PDE10A: variants seen among roughly 807,000 people sequenced by gnomAD.
PDE10A encodes cAMP and cAMP-inhibited cGMP 3',5'-cyclic phosphodiesterase 10A.
PDE10A carries 39 observed loss-of-function variants against 97.7 expected under a neutral mutation model. That is an observed-to-expected ratio of 0.40 (90% confidence interval 0.31 to 0.52). The LOEUF is 0.52. Among genes scored for constraint, PDE10A ranks in the 20% least tolerant of loss-of-function variants. PDE10A has a pLI of 0.56. For missense variants in PDE10A, 731 were observed against 1,047.8 expected (o/e 0.70, Z 4.17); for synonymous variants, 371 against 376.8 (o/e 0.98, Z 0.18).
At chr6:165,458,250 T>C (rs1206580588) in intron 3 of PDE10A, among the ~76,000 whole-genome samples, 2 of 152,192 alleles carry the variant, frequency 1.3e-5, no homozygotes, top group Non-Finnish European at 1.5e-5. Flanking sequence ...CCCAGAGCTA[T>C]AGACTGTATC....
intron 1 of PDE10A, among the ~76,000 whole-genome samples, chr6:165,612,869 G>A (rs1787562830): frequency 6.6e-6 from 1 of 152,092 alleles, no homozygotes; most frequent in African/African-American, 2.4e-5. Context: ...AAATCTTACT[G>A]TTTTAACTAA....
chr6:165,983,222 C>T (rs1354548856), intron 1 of PDE10A, among the ~76,000 whole-genome samples: 1 of 152,174 alleles, frequency 6.6e-6, no homozygotes. Flanking sequence ...GGGAGGAAAC[C>T]AAAACCATCT....
chr6:165,667,776 C>T (rs1296443281), upstream of PDE10A, among the ~76,000 whole-genome samples: 3 of 151,480 alleles, frequency 2.0e-5, no homozygotes, highest in African/African-American at 4.9e-5. Flanking sequence ...GCATAATGGC[C>T]GTATGTAGCC....
chr6:165,428,220 G>A (rs1789303060), intron 10 of PDE10A, among the ~76,000 whole-genome samples: 1 of 152,100 alleles, frequency 6.6e-6, no homozygotes, highest in Admixed American at 6.6e-5. Context: ...GTACTCAGTA[G>A]CATAGGGAAA....
chr6:165,416,570 G>A (rs767634855), intron 11 of PDE10A, among the ~76,000 whole-genome samples: 6 of 152,038 alleles, frequency 3.9e-5, no homozygotes, highest in Non-Finnish European at 8.8e-5. Flanking sequence ...TTCTATTTGC[G>A]AAGCACCTTA....
intron 1 of PDE10A, among the ~76,000 whole-genome samples, chr6:165,759,677 C>G (rs1386626251): frequency 6.6e-6 from 1 of 152,202 alleles, no homozygotes; most frequent in African/African-American, 2.4e-5. Context: ...GATATTTTTT[C>G]ATCCATAGGA....
At chr6:165,837,255 G>A (rs1198923439) in intron 1 of PDE10A, among the ~76,000 whole-genome samples, 1 of 151,926 alleles carries the variant, frequency 6.6e-6, no homozygotes, top group Admixed American at 6.6e-5. Flanking sequence ...CCAGAGAAAT[G>A]AAATACTGTA....
chr6:165,552,701 G>A (rs1210391434), intron 1 of PDE10A, among the ~76,000 whole-genome samples: 1 of 152,134 alleles, frequency 6.6e-6, no homozygotes. Flanking sequence ...TTTGCGGATT[G>A]TGCTTTGTAT....
At chr6:165,967,476 A>C (rs1005113002) in intron 1 of PDE10A, among the ~76,000 whole-genome samples, 1 of 152,250 alleles carries the variant, frequency 6.6e-6, no homozygotes, top group African/African-American at 2.4e-5. Flanking sequence ...CAGCCTGGGC[A>C]ACAGGAGCAC....
intron 1 of PDE10A, among the ~76,000 whole-genome samples, chr6:165,887,935 G>A (rs1781672748): frequency 6.6e-6 from 1 of 152,146 alleles, no homozygotes; most frequent in Non-Finnish European, 1.5e-5. Context: ...GGCCCTACCT[G>A]ATCTGCCTCC....
Position 165,376,530 on chromosome 6 carries a change from A to G in PDE10A, c.2783+2664T>C, listed in dbSNP as rs576980071. Reference sequence around the variant, plus strand: ...GAAGTTCTACTGCAGGTGAAATGCTATCAAACAGCGTCATAAGCTGCAGAG... The same window carrying G: ...GAAGTTCTACTGCAGGTGAAATGCTGTCAAACAGCGTCATAAGCTGCAGAG... On this transcript the variant is annotated intron_variant, in intron 18 of 21. Transcript: ENST00000539869. Among the ~76,000 whole-genome samples, 15 of 152,368 alleles carry G rather than the reference A, an allele frequency of 9.8e-5. No homozygotes were observed. The South Asian group carries it at 1.7e-3, about 17-fold the overall frequency.
chr6:165,597,765 A>G (rs1289985522), intron 1 of PDE10A, among the ~76,000 whole-genome samples: 1 of 152,244 alleles, frequency 6.6e-6, no homozygotes, highest in Non-Finnish European at 1.5e-5. Context: ...AGACAGGAGA[A>G]AAGCCGGATG....
chr6:165,966,703 A>G (rs1784522315), intron 1 of PDE10A, among the ~76,000 whole-genome samples: 1 of 152,198 alleles, frequency 6.6e-6, no homozygotes, highest in African/African-American at 2.4e-5. Flanking sequence ...GAGAATAAAC[A>G]AGCATTGTCC....
intron 1 of PDE10A, among the ~76,000 whole-genome samples, chr6:165,827,338 G>A (rs1470932919): frequency 2.0e-5 from 3 of 152,212 alleles, no homozygotes; most frequent in Admixed American, 2.0e-4. Context: ...TCCAGCTCGA[G>A]ACCTGTGCGG....
At chr6:165,905,777 T>C (rs1432744557) in intron 1 of PDE10A, among the ~76,000 whole-genome samples, 1 of 152,054 alleles carries the variant, frequency 6.6e-6, no homozygotes, top group Non-Finnish European at 1.5e-5. Flanking sequence ...GGCCTGGAGC[T>C]GGAAAGACTG....
rs575335046 is a variant in PDE10A, at chr6:165,340,814, G to A, written c.2896-1456C>T. ...GATGGGGAATATGCCTGCACAGACAGTGGGCAGGGGGCCAGCCATGTGGGG... is the reference window on the plus strand; with the variant it reads ...GATGGGGAATATGCCTGCACAGACAATGGGCAGGGGGCCAGCCATGTGGGG... On this transcript the variant is annotated intron_variant, in intron 19 of 21. Coordinates refer to ENST00000539869, the MANE Select transcript of PDE10A (RefSeq NM_001385079.1). Among the ~76,000 whole-genome samples, 104 of 152,298 alleles carry A rather than the reference G, an allele frequency of 6.8e-4. 1 individual carries two copies. The highest frequency in any genetic ancestry group is 2.4e-3 in the African/African-American group (100 of 41,580).
At chr6:165,501,464 T>G (rs1583417919) in intron 2 of PDE10A, among the ~76,000 whole-genome samples, 2 of 151,930 alleles carry the variant, frequency 1.3e-5, no homozygotes, top group South Asian at 4.2e-4. Flanking sequence ...AGGAGGCTAC[T>G]CGGGAGGCTG....
intron 1 of PDE10A, among the ~76,000 whole-genome samples, chr6:165,688,018 C>T (rs1270406138): frequency 1.3e-5 from 2 of 152,156 alleles, no homozygotes; most frequent in African/African-American, 2.4e-5. Flanking sequence ...AACTCCTACC[C>T]GAGGCCAGCA....
At chr6:165,496,018 A>G (rs573915804) in intron 2 of PDE10A, among the ~76,000 whole-genome samples, 1 of 151,944 alleles carries the variant, frequency 6.6e-6, no homozygotes, top group Non-Finnish European at 1.5e-5. Context: ...ATTGGAAGGC[A>G]ATGTGGGAAG....
Sources: allele counts gnomAD v4.1 joint callset (sites outside exome capture counted in the v4.1 genomes callset), GRCh38; gene constraint gnomAD v4.1.1; transcripts MANE v1.5; gene names NCBI Gene and HGNC (gene_info 2026-07-23, HGNC 2026-07-21).